Variants in NME8 observed in about 807,000 individuals in gnomAD.
NME8 encodes protein NME8.
In NME8, 72 loss-of-function variants were observed where a neutral mutation model predicts 82.3. The observed-to-expected ratio is 0.87, with a 90% CI of 0.72 to 1.06. NME8 has a LOEUF of 1.06. Ranked by LOEUF, NME8 falls within the 50% of genes least tolerant of loss-of-function variation. NME8 has a pLI of 0.00. For synonymous variants in NME8, 267 were observed against 228.5 expected (o/e 1.17, Z -1.52); for missense variants, 712 against 685.4 (o/e 1.04, Z -0.43).
At chr7:37,897,614 G>C (rs1362397539) in intron 17 of NME8, among the ~76,000 whole-genome samples, 1 of 152,126 alleles carries the variant, frequency 6.6e-6, no homozygotes, top group Non-Finnish European at 1.5e-5. Flanking sequence ...GTATATGTGT[G>C]CCATGGTGGT....
In NME8 at chr7:37,884,408, A is replaced by G; in HGVS notation, c.1100A>G (p.Asn367Ser). ...CAAGCACTGTGCAAGGAATATGAAA[A>G]TGAAGACTATTTTAATAAACTTATA... ...EAQALCKEYE[N>S]EDYFNKLIEN... The change falls in exon 13 of 18, where the codon AAT becomes AGT. Residue 367 changes from asparagine (N) to serine (S), a missense_variant. Physicochemically the swap from Asn to Ser is conservative, Grantham distance 46. Coordinates refer to ENST00000199447, the MANE Select transcript of NME8 (RefSeq NM_016616.5). 4 of 1,611,414 alleles carry G rather than the reference A, an allele frequency of 2.5e-6. No homozygotes were observed. Among genetic ancestry groups the G allele is most frequent in the Non-Finnish European group, 3.4e-6 (4 of 1,177,622 alleles).
chr7:37,897,113 T>G lies in NME8; in HGVS notation c.*15+6T>G, dbSNP rs746517622. 16 of 1,473,590 alleles carry G rather than the reference T, an allele frequency of 1.1e-5. No individual in the cohort carries two copies. The South Asian group carries it at 1.5e-4, about 14-fold the overall frequency. 91.3% of individuals were successfully genotyped at this position (1,473,590 alleles called of 1,614,324 possible). ...ACTAAAGTATATACTGTGAAGTACG[T>G]ACCTGTTTAATTATTATTTTATTTT... On this transcript the variant is annotated splice_donor_region_variant and intron_variant, in intron 17 of 17. Transcript: ENST00000199447.
chr7:37,872,502 A>G (rs939061007), intron 11 of NME8, among the ~76,000 whole-genome samples: 7 of 152,242 alleles, frequency 4.6e-5, no homozygotes, highest in Admixed American at 1.3e-4. Context: ...CAATAAAAAA[A>G]GGACTTGAGA....
At chr7:37,875,569 T>C (rs764013501) in intron 11 of NME8, among the ~76,000 whole-genome samples, 11 of 151,858 alleles carry the variant, frequency 7.2e-5, no homozygotes, top group Non-Finnish European at 1.3e-4. Flanking sequence ...TTTCTATTAA[T>C]TTAATTTTTT....
At chr7:37,882,762 T>C (rs560575390) in intron 12 of NME8, among the ~76,000 whole-genome samples, 1 of 152,284 alleles carries the variant, frequency 6.6e-6, no homozygotes, top group East Asian at 1.9e-4. Flanking sequence ...CTAGACACCT[T>C]TATCTAGAAC....
chr7:37,888,294 C>A lies in NME8; in HGVS notation c.1265C>A (p.Ala422Glu), dbSNP rs117675957. ...YFPESLCAQF[A>E]MDSLPVNQLY... ...TTTCAAAGTTTATGTGCACAGTTTG[C>A]GATGGACAGTTTGCCGGTCAACCAG... The change falls in exon 15 of 18, where the codon GCG (alanine) becomes GAG (glutamate). Residue 422 changes from alanine (A) to glutamate (E), a missense_variant. Transcript: ENST00000199447. 1 of 1,613,432 alleles carries A rather than the reference C, an allele frequency of 6.2e-7. No individual in the cohort carries two copies. Among genetic ancestry groups the A allele is most frequent in the Admixed American group, 1.7e-5 (1 of 59,908 alleles).
At chr7:37,890,177 T>A (rs968843042) in intron 15 of NME8, among the ~76,000 whole-genome samples, 2 of 152,018 alleles carry the variant, frequency 1.3e-5, no homozygotes, top group African/African-American at 4.8e-5. Flanking sequence ...CCTTTTTGAA[T>A]CACTTTTTTT....
At position 37,862,134 on chromosome 7, in the gene NME8, C is replaced by G; in HGVS notation, c.377C>G (p.Ala126Gly). 1 of 1,604,912 alleles carries G rather than the reference C, an allele frequency of 6.2e-7. No individual in the cohort carries two copies. Among genetic ancestry groups the G allele is most frequent in the Non-Finnish European group, 8.5e-7 (1 of 1,171,840 alleles). The change falls in exon 7 of 18, where the codon GCT (alanine) becomes GGT (glycine). Residue 126 changes from alanine to glycine, a missense_variant. Coordinates refer to ENST00000199447, the MANE Select transcript of NME8 (RefSeq NM_016616.5). ...AGAAAAATTGCAGCAGGTGAAATGG[C>G]TCGACCTCAGGTAATACTTTGGATT... ...EERKIAAGEM[A>G]RPQYPEIPLV...
In NME8 at chr7:37,897,052, A is replaced by C; in HGVS notation, c.1727A>C (p.Glu576Ala). ...HGASNAYEAK[E>A]VVNRLFEDPE... is the part of the protein sequence containing the mutation. ...GCATCTAACGCCTATGAAGCAAAAG[A>C]GGTTGTTAATAGACTCTTTGAGGAT... The change falls in exon 17 of 18, where the codon GAG becomes GCG. Residue 576 changes from glutamate to alanine, a missense_variant. Glu to Ala is a moderately radical substitution (Grantham distance 107). Coordinates refer to ENST00000199447, the MANE Select transcript of NME8 (RefSeq NM_016616.5). The C allele has an allele frequency of 6.2e-7, 1 of 1,613,886 alleles. No homozygotes were observed. The highest frequency in any genetic ancestry group is 8.5e-7 in the Non-Finnish European group (1 of 1,179,846).
intron 5 of NME8, among the ~76,000 whole-genome samples, chr7:37,856,641 A>T (rs773499202): frequency 6.6e-6 from 1 of 152,200 alleles, no homozygotes; most frequent in Non-Finnish European, 1.5e-5. Flanking sequence ...ATTAATTTGG[A>T]ACAACTTGAA....
rs577694620 is a variant in NME8, at chr7:37,866,998, C to T, written c.622-704C>T. The stretch of plus-strand genomic sequence containing the variant: ...TCTGATGAGGCTTTTACTGAATACA[C>T]GATTTACATGTGAGATGACATAGAG... On this transcript the variant is annotated intron_variant, in intron 10 of 17. Transcript: ENST00000199447. Among the ~76,000 whole-genome samples the T allele has an allele frequency of 2.5e-4, 38 of 152,248 alleles. No individual in the cohort carries two copies. In the South Asian group the frequency reaches 7.5e-3, roughly 30 times the overall value.
intron 16 of NME8, among the ~76,000 whole-genome samples, chr7:37,895,517 T>G (rs924666372): frequency 4.6e-5 from 7 of 152,330 alleles, no homozygotes; most frequent in African/African-American, 1.4e-4. Context: ...TGCTTTTAAC[T>G]GCTGCTTTCC....
intron 11 of NME8, among the ~76,000 whole-genome samples, chr7:37,869,163 C>A (rs1236874213): frequency 6.6e-6 from 1 of 152,148 alleles, no homozygotes; most frequent in Non-Finnish European, 1.5e-5. Flanking sequence ...TGGGTGCCTA[C>A]CTCTGTTGGC....
intron 14 of NME8, among the ~76,000 whole-genome samples, chr7:37,885,809 A>G (rs910984272): frequency 6.6e-6 from 1 of 152,186 alleles, no homozygotes; most frequent in Non-Finnish European, 1.5e-5. Flanking sequence ...TCTGCAGGAT[A>G]GAAATAGTAT....
chr7:37,888,458 T>C (rs1785077049), intron 15 of NME8, 30 bp downstream of exon 15: 2 of 1,591,654 alleles, frequency 1.3e-6, no homozygotes, highest in East Asian at 2.3e-5. Flanking sequence ...AGTGAATGTA[T>C]ACATTTTCTC....
chr7:37,871,029 C>G (rs1784759277), intron 11 of NME8, among the ~76,000 whole-genome samples: 1 of 152,170 alleles, frequency 6.6e-6, no homozygotes, highest in African/African-American at 2.4e-5. Flanking sequence ...CTCTTTATTG[C>G]CCCCTCTCCC....
At chr7:37,850,233 A>C (rs1329603808) in intron 2 of NME8, 27 bp from the exon 3 acceptor site, 1 of 1,540,960 alleles carries the variant, frequency 6.5e-7, no homozygotes, top group Non-Finnish European at 8.9e-7. Context: ...CCTACTTAAA[A>C]ATTTTTCTTT....
intron 17 of NME8, among the ~76,000 whole-genome samples, 162 bp from the exon 18 acceptor site, chr7:37,900,082 C>T (rs553445646): frequency 6.6e-6 from 1 of 152,300 alleles, no homozygotes; most frequent in East Asian, 1.9e-4. Flanking sequence ...TGTTTGATGA[C>T]TGCTTACTTG....
chr7:37,897,999 C>T (rs541076983), intron 17 of NME8, among the ~76,000 whole-genome samples: 1 of 152,190 alleles, frequency 6.6e-6, no homozygotes, highest in South Asian at 2.1e-4. Flanking sequence ...GATTTATATT[C>T]CTTTGGGTAT....
Sources: allele counts gnomAD v4.1 joint callset (sites outside exome capture counted in the v4.1 genomes callset), GRCh38; gene constraint gnomAD v4.1.1; transcripts MANE v1.5; gene names NCBI Gene and HGNC (gene_info 2026-07-23, HGNC 2026-07-21).